NUP155: variants seen among roughly 807,000 people sequenced by gnomAD.
NUP155 encodes the protein nuclear pore complex protein Nup155.
NUP155 carries 71 observed loss-of-function variants against 180.4 expected under a neutral mutation model. The ratio of observed to expected loss-of-function variants is 0.39; its 90% CI spans 0.33 to 0.48. The LOEUF (loss-of-function observed/expected upper bound fraction) is 0.48. NUP155 is among the 20% of genes least tolerant of loss of function. The pLI is 0.91. For synonymous variants in NUP155, 582 were observed against 559.5 expected (o/e 1.04, Z -0.57); for missense variants, 1,553 against 1,648.9 (o/e 0.94, Z 1.01).
chr5:37,325,596 C>T (rs1365578140), intron 19 of NUP155, among the ~76,000 whole-genome samples: 2 of 151,472 alleles, frequency 1.3e-5, no homozygotes, highest in Non-Finnish European at 2.9e-5. Flanking sequence ...TGGTGAAACC[C>T]TATCTCTACA....
intron 20 of NUP155, among the ~76,000 whole-genome samples, chr5:37,322,847 C>A (rs1581159698): frequency 6.6e-6 from 1 of 151,134 alleles, no homozygotes; most frequent in South Asian, 2.1e-4. Flanking sequence ...GTGGCAGGCG[C>A]CTGTAACCCC....
intron 30 of NUP155, among the ~76,000 whole-genome samples, chr5:37,300,701 G>A (rs1417165107): frequency 6.6e-6 from 1 of 151,990 alleles, no homozygotes; most frequent in African/African-American, 2.4e-5. Context: ...CTGTCACTCA[G>A]GCTGGAATGC....
In NUP155 at chr5:37,328,343, A is replaced by C; in HGVS notation, c.1876+15T>G. The C allele has an allele frequency of 6.3e-7, 1 of 1,588,860 alleles. No homozygotes were observed. Among genetic ancestry groups the C allele is most frequent in the African/African-American group, 1.3e-5 (1 of 74,514 alleles). ...CTTCAAAATGAATCCAATCCAAAAC[A>C]AAGAAAAGAGGTACCATGAGACGGT... On this transcript the variant is annotated intron_variant, in intron 17 of 34. Coordinates refer to ENST00000231498, the MANE Select transcript of NUP155 (RefSeq NM_153485.3).
At chr5:37,343,898 A>G (rs1188770505) in intron 9 of NUP155, among the ~76,000 whole-genome samples, 3 of 151,864 alleles carry the variant, frequency 2.0e-5, no homozygotes, top group Non-Finnish European at 4.4e-5. Context: ...CTCAAGGGGG[A>G]AAAAAAAGGG....
Position 37,291,247 on chromosome 5 carries a change from T to C in NUP155, c.*653A>G, listed in dbSNP as rs1742217675. On this transcript the variant is annotated 3_prime_UTR_variant, in exon 35 of 35. Coordinates refer to ENST00000231498, the MANE Select transcript of NUP155 (RefSeq NM_153485.3). ...TGGATCTGCTTAGCCTATTTGAGGTTTTTTTGTTTTTTGAGACAGAGTCTC... is the reference window on the plus strand; with the variant it reads ...TGGATCTGCTTAGCCTATTTGAGGTCTTTTTGTTTTTTGAGACAGAGTCTC... 1 of 152,282 alleles carries C rather than the reference T, an allele frequency of 6.6e-6. No individual in the cohort carries two copies. Among genetic ancestry groups the C allele is most frequent in the Non-Finnish European group, 1.5e-5 (1 of 68,170 alleles). The allele number at this position is 152,282 out of a possible 1,614,324, so 9.4% of individuals were successfully genotyped here. A position where few individuals can be genotyped will look rare whatever the true frequency, so the allele number is the denominator to read the frequency against.
intron 1 of NUP155, among the ~76,000 whole-genome samples, chr5:37,364,880 C>G (rs370651685): frequency 6.6e-6 from 1 of 151,772 alleles, no homozygotes; most frequent in Non-Finnish European, 1.5e-5. Context: ...TCATGATCCG[C>G]CCGCCTCGGC....
At chr5:37,329,060 T>C (rs994710452) in intron 16 of NUP155, 130 bp downstream of exon 16, 25 of 709,864 alleles carry the variant, frequency 3.5e-5, no homozygotes, top group South Asian at 1.2e-4. Flanking sequence ...TCAGAATCTA[T>C]AGATGTATTC....
intron 4 of NUP155, 80 bp from the exon 5 acceptor site, chr5:37,352,909 G>A: frequency 1.1e-6 from 1 of 915,656 alleles, no homozygotes; most frequent in Non-Finnish European, 1.8e-6. Context: ...CCATTAAAGT[G>A]AGCTACTAAT....
At chr5:37,353,417 T>C (rs1746599669) in intron 4 of NUP155, among the ~76,000 whole-genome samples, 1 of 151,842 alleles carries the variant, frequency 6.6e-6, no homozygotes, top group Non-Finnish European at 1.5e-5. Context: ...ACCCCATCTC[T>C]ACTAAAAACA....
At chr5:37,307,543 A>G in intron 24 of NUP155, 111 bp from the exon 25 acceptor site, 1 of 1,002,564 alleles carries the variant, frequency 1.0e-6, no homozygotes, top group South Asian at 1.3e-5. Context: ...ACTGTACAAT[A>G]GTCACCCTGC....
At position 37,314,270 on chromosome 5, in the gene NUP155, T is replaced by G. The variant is rs770224283; in HGVS notation, c.2364A>C (p.Ser788=). ...LQAIQQLVRK[S]YQALALWKLL... ...GTTTCCATAAAGCCAGAGCCTGATATGATTTTCGAACCAACTGCTGAATTG... is the reference window on the plus strand; with the variant it reads ...GTTTCCATAAAGCCAGAGCCTGATAGGATTTTCGAACCAACTGCTGAATTG... Residue 788 remains serine, a synonymous_variant, in exon 22 of 35, where the codon TCA becomes TCC. Transcript: ENST00000231498. The G allele has an allele frequency of 6.2e-7, 1 of 1,610,714 alleles. No individual in the cohort carries two copies. The highest frequency in any genetic ancestry group is 2.2e-5 in the East Asian group (1 of 44,846).
chr5:37,365,738 A>ATATATATATAT lies in NUP155; in HGVS notation c.158-1355_158-1354insATATATATATA, dbSNP rs1294810603. On this transcript the variant is annotated intron_variant, in intron 1 of 34. Coordinates refer to ENST00000231498, the MANE Select transcript of NUP155 (RefSeq NM_153485.3). ...GAAAAAAAAAAAAAAAAAAAAAAAA[A>ATATATATATAT]ATATATATATATATACACACACACA... Among the ~76,000 whole-genome samples the ATATATATATAT allele has an allele frequency of 1.6e-4, 6 of 37,132 alleles. 3 individuals are homozygous for ATATATATATAT. The highest frequency in any genetic ancestry group is 6.5e-4 in the African/African-American group (6 of 9,262). 24.4% of individuals were successfully genotyped at this position (37,132 alleles called of 152,430 possible). A position where few individuals can be genotyped will look rare whatever the true frequency, so the allele number is the denominator to read the frequency against.
At chr5:37,294,999 ATAAT>A (rs1425068824) in intron 32 of NUP155, among the ~76,000 whole-genome samples, 1 of 152,180 alleles carries the variant, frequency 6.6e-6, no homozygotes, top group Non-Finnish European at 1.5e-5. Context: ...GACTTCACTG[ATAAT>A]TTTTTTTAGT....
chr5:37,351,108 A>G (rs1746428273), intron 6 of NUP155, 82 bp downstream of exon 6: 1 of 1,091,966 alleles, frequency 9.2e-7, no homozygotes, highest in Admixed American at 2.0e-5. Flanking sequence ...ATGTCCTTAT[A>G]TAATTAGAAA....
At chr5:37,360,198 C>T (rs111579884) in intron 3 of NUP155, among the ~76,000 whole-genome samples, 3,859 of 152,112 alleles carry the variant, frequency 0.025, 153 homozygotes, top group African/African-American at 0.088. Flanking sequence ...AAGAAGTCAG[C>T]GAGGCTGGGT....
In NUP155 at chr5:37,371,072, G is replaced by A. The variant is rs1036023759; in HGVS notation, c.-95C>T. 4 of 1,381,262 alleles carry A rather than the reference G, an allele frequency of 2.9e-6. No individual in the cohort carries two copies. Among genetic ancestry groups the A allele is most frequent in the East Asian group, 4.7e-5 (2 of 42,806 alleles). The allele number at this position is 1,381,262 out of a possible 1,614,324, so 85.6% of individuals were successfully genotyped here. On this transcript the variant is annotated 5_prime_UTR_variant, in exon 1 of 35. Transcript: ENST00000231498. Reference sequence around the variant, plus strand: ...AGTTAGCTTAGATCCGCCGCCTAGGGCGCGCGCGCCAAACGAGCGCCTTGG... The same window carrying A: ...AGTTAGCTTAGATCCGCCGCCTAGGACGCGCGCGCCAAACGAGCGCCTTGG...
At chr5:37,299,246 A>G (rs956249067) in intron 31 of NUP155, among the ~76,000 whole-genome samples, 6 of 152,302 alleles carry the variant, frequency 3.9e-5, no homozygotes, top group South Asian at 4.1e-4. Context: ...TTCACTGAGT[A>G]TTCTCCCGAA....
intron 1 of NUP155, 81 bp from the exon 2 acceptor site, chr5:37,364,465 ATTG>A (rs1747421682): frequency 7.8e-7 from 1 of 1,278,862 alleles, no homozygotes; most frequent in Non-Finnish European, 1.1e-6. Context: ...CCACAAAAAA[ATTG>A]TTGTGTGTTG....
chr5:37,328,226 A>C, intron 17 of NUP155, 132 bp downstream of exon 17: 1 of 738,158 alleles, frequency 1.4e-6, no homozygotes, highest in Non-Finnish European at 2.3e-6. Flanking sequence ...ACTTGCTTGG[A>C]CAGCGCTTCT....
Sources: gnomAD v4.1 joint callset for allele counts (sites outside exome capture counted in the v4.1 genomes callset) on GRCh38, gnomAD v4.1.1 for gene constraint, MANE v1.5 for transcripts, NCBI Gene and HGNC (gene_info 2026-07-23, HGNC 2026-07-21) for gene names.